JPH4: variants seen among roughly 807,000 people sequenced by gnomAD.
JPH4 encodes the protein junctophilin 4.
In JPH4, 18 loss-of-function variants were observed where a neutral mutation model predicts 57.6. That is an observed-to-expected ratio of 0.31 (90% confidence interval 0.22 to 0.46). The LOEUF is 0.46. Among genes scored for constraint, JPH4 ranks in the 20% least tolerant of loss-of-function variants. JPH4 has a pLI of 1.00. For synonymous variants in JPH4, 425 were observed against 406.6 expected (o/e 1.05, Z -0.54); for missense variants, 727 against 911.1 (o/e 0.80, Z 2.60).
Position 23,569,884 on chromosome 14 carries a change from G to C in JPH4, c.1804-167C>G, listed in dbSNP as rs1258887672. On this transcript the variant is annotated intron_variant, in intron 5 of 5. Transcript: ENST00000356300. This position sits in a 1 kb window ranked among gnomAD's most constrained non-coding sequence, Gnocchi z 4.8. ...ATTGCAAAACCCCCTCTTCTCCCAGGCAGGGCCCCACCTTTCCTCTGACAC... is the reference window on the plus strand; with the variant it reads ...ATTGCAAAACCCCCTCTTCTCCCAGCCAGGGCCCCACCTTTCCTCTGACAC... Among the ~76,000 whole-genome samples the C allele has an allele frequency of 6.6e-6, 1 of 152,178 alleles. No homozygotes were observed. Among genetic ancestry groups the C allele is most frequent in the Non-Finnish European group, 1.5e-5 (1 of 68,016 alleles).
Position 23,571,203 on chromosome 14 carries a change from C to T in JPH4, c.1528G>A (p.Ala510Thr), listed in dbSNP as rs1889131317. The change falls in exon 5 of 6, where the codon GCT (alanine) becomes ACT (threonine). Residue 510 changes from alanine to threonine, a missense_variant. Physicochemically the swap from Ala to Thr is moderately conservative, Grantham distance 58. Around this residue, in one of 7 missense-constraint regions of JPH4, gnomAD observed 293 missense variants for 279.8 expected, o/e 1.05. Transcript: ENST00000356300. The surrounding 1 kb of genome is among the most constrained non-coding windows in gnomAD (Gnocchi z 4.6). ...GGAGAQAEEL[A>T]GYEAEDEAGM... ...GCCTCATCCTCAGCCTCATAGCCAG[C>T]TAGTTCCTCTGCCTGTGCGCCTGCC... 21 of 1,613,842 alleles carry T rather than the reference C, an allele frequency of 1.3e-5. No individual in the cohort carries two copies. Among genetic ancestry groups the T allele is most frequent in the Non-Finnish European group, 1.8e-5 (21 of 1,179,944 alleles).
chr14:23,571,324 T>G lies in JPH4; in HGVS notation c.1407A>C (p.Gln469His), dbSNP rs1595393254. Residue 469 changes from glutamine to histidine, a missense_variant, in exon 5 of 6, where the codon CAA (glutamine) becomes CAC (histidine). Coordinates refer to ENST00000356300, the MANE Select transcript of JPH4 (RefSeq NM_001146028.2). The surrounding 1 kb of genome is among the most constrained non-coding windows in gnomAD (Gnocchi z 4.6). ...TCCGGCAGGCAGGGGGTCGCCAGGG[T>G]TGGCGGGAGGAGGCAGGACTGCTGG... The part of the protein sequence containing the change: ...ELPSSPASSR[Q>H]PWRPPACRSP... The G allele has an allele frequency of 6.3e-7, 1 of 1,595,548 alleles. No individual in the cohort carries two copies. Among genetic ancestry groups the G allele is most frequent in the African/African-American group, 1.3e-5 (1 of 74,662 alleles).
chr14:23,572,728 T>G, intron 3 of JPH4: 1 of 605,272 alleles, frequency 1.7e-6, no homozygotes, highest in South Asian at 2.0e-5. Context: ...CCCCTTTCGG[T>G]AATGATCCCA....
In JPH4 at chr14:23,575,428, C is replaced by A; in HGVS notation, c.1151+257G>T. Reference sequence around the variant, plus strand: ...GATTCCATAGACATGCATCTCCACACAAAAGACACCGAGACACATTTACAG... The same window carrying A: ...GATTCCATAGACATGCATCTCCACAAAAAAGACACCGAGACACATTTACAG... On this transcript the variant is annotated intron_variant, in intron 3 of 5. Coordinates refer to ENST00000356300, the MANE Select transcript of JPH4 (RefSeq NM_001146028.2). The surrounding 1 kb of genome is among the most constrained non-coding windows in gnomAD (Gnocchi z 6.9). 1 of 574,106 alleles carries A rather than the reference C, an allele frequency of 1.7e-6. No individual in the cohort carries two copies. Among genetic ancestry groups the A allele is most frequent in the East Asian group, 2.9e-5 (1 of 35,084 alleles). 35.6% of individuals were successfully genotyped at this position (574,106 alleles called of 1,614,324 possible). A position where few individuals can be genotyped will look rare whatever the true frequency, so the allele number is the denominator to read the frequency against.
rs999967079 is a variant in JPH4, at chr14:23,575,025, T to C, written c.1151+660A>G. On this transcript the variant is annotated intron_variant, in intron 3 of 5. Coordinates refer to ENST00000356300, the MANE Select transcript of JPH4 (RefSeq NM_001146028.2). The surrounding 1 kb of genome is among the most constrained non-coding windows in gnomAD (Gnocchi z 6.9). ...TCCTGTTAGACAGCACTGCTTTAGATAGCAAGGTTCCTGATGCAAGGAAAT... is the reference window on the plus strand; with the variant it reads ...TCCTGTTAGACAGCACTGCTTTAGACAGCAAGGTTCCTGATGCAAGGAAAT... 1 of 153,948 alleles carries C rather than the reference T, an allele frequency of 6.5e-6. No individual in the cohort carries two copies. The highest frequency in any genetic ancestry group is 2.4e-5 in the African/African-American group (1 of 41,524). 9.5% of individuals were successfully genotyped at this position (153,948 alleles called of 1,614,324 possible). A position where few individuals can be genotyped will look rare whatever the true frequency, so the allele number is the denominator to read the frequency against.
Position 23,577,140 on chromosome 14 carries a change from C to T in JPH4, c.314G>A (p.Arg105His). The T allele has an allele frequency of 6.5e-7, 1 of 1,548,230 alleles. No homozygotes were observed. Among genetic ancestry groups the T allele is most frequent in the Non-Finnish European group, 8.7e-7 (1 of 1,155,208 alleles). The change falls in exon 2 of 6, where the codon CGC becomes CAC. Residue 105 changes from arginine to histidine, a missense_variant. Coordinates refer to ENST00000356300, the MANE Select transcript of JPH4 (RefSeq NM_001146028.2). This position sits in a 1 kb window ranked among gnomAD's most constrained non-coding sequence, Gnocchi z 8.4. ...SGVWESVSGL[R>H]YAGLWKDGFQ... is the part of the protein sequence containing the mutation. ...ACCGTCCTTCCAGAGCCCGGCGTAG[C>T]GCAGGCCGGACACGCTTTCCCACAC... is the stretch of plus-strand genomic sequence containing the variant.
Position 23,576,459 on chromosome 14 carries a change from G to A in JPH4, c.380-3C>T. 1.4e-6 allele frequency: 2 copies of A among 1,406,580 alleles called. No homozygotes were observed. The highest frequency in any genetic ancestry group is 1.8e-6 in the Non-Finnish European group (2 of 1,088,168). The allele number at this position is 1,406,580 out of a possible 1,614,324, so 87.1% of individuals were successfully genotyped here. On this transcript the variant is annotated splice_polypyrimidine_tract_variant and splice_region_variant and intron_variant, in intron 2 of 5. Coordinates refer to ENST00000356300, the MANE Select transcript of JPH4 (RefSeq NM_001146028.2). The surrounding 1 kb of genome is among the most constrained non-coding windows in gnomAD (Gnocchi z 8.0). ...CTGCCACTGGCCCTGGTAGGTGCCT[G>A]CGGGCGGCGGAGGGGTGGGAGAAAG...
intron 3 of JPH4, among the ~76,000 whole-genome samples, chr14:23,573,206 G>A (rs558170886): frequency 3.3e-5 from 5 of 152,298 alleles, no homozygotes; most frequent in Admixed American, 1.3e-4. Flanking sequence ...TTCTTTGGGA[G>A]CCGTGATTAG....
Position 23,576,377 on chromosome 14 carries a change from C to A in JPH4, c.459G>T (p.Ala153=). 7.3e-7 allele frequency: 1 copy of A among 1,369,354 alleles called. No individual in the cohort carries two copies. Among genetic ancestry groups the A allele is most frequent in the Non-Finnish European group, 9.4e-7 (1 of 1,066,008 alleles). The allele number at this position is 1,369,354 out of a possible 1,614,324, so 84.8% of individuals were successfully genotyped here. A position where few individuals can be genotyped will look rare whatever the true frequency, so the allele number is the denominator to read the frequency against. Residue 153 remains alanine (A), a synonymous_variant, in exon 3 of 6, where the codon GCG becomes GCT. Coordinates refer to ENST00000356300, the MANE Select transcript of JPH4 (RefSeq NM_001146028.2). The surrounding 1 kb of genome is among the most constrained non-coding windows in gnomAD (Gnocchi z 8.0). The part of the protein sequence containing the change: ...VRQSVPYHQA[A]LLRSPRRTSL... The stretch of plus-strand genomic sequence containing the variant: ...AGGTGCGGCGGGGCGAGCGCAGCAG[C>A]GCCGCCTGATGGTAGGGCACACTCT...
Position 23,571,992 on chromosome 14 carries a change from GC to G in JPH4, c.1152-73del. On this transcript the variant is annotated intron_variant, in intron 3 of 5. Coordinates refer to ENST00000356300, the MANE Select transcript of JPH4 (RefSeq NM_001146028.2). This position sits in a 1 kb window ranked among gnomAD's most constrained non-coding sequence, Gnocchi z 4.6. ...AGTTAGTCCCTGCTCAGATGCTCCA[GC>G]CCCCTAGCCCCTGTCCCCTCTACAT... 1 of 1,329,202 alleles carries G rather than the reference GC, an allele frequency of 7.5e-7. No individual in the cohort carries two copies. Among genetic ancestry groups the G allele is most frequent in the East Asian group, 2.3e-5 (1 of 43,256 alleles). 82.3% of individuals were successfully genotyped at this position (1,329,202 alleles called of 1,614,324 possible). A position where few individuals can be genotyped will look rare whatever the true frequency, so the allele number is the denominator to read the frequency against.
Position 23,577,173 on chromosome 14 carries a change from C to T in JPH4, c.281G>A (p.Arg94His). ...RGEWLGGLKG[R>H]SGVWESVSGL... ...GGACACGCTTTCCCACACGCCGCTG[C>T]GCCCCTTCAGCCCGCCCAGCCACTC... Residue 94 changes from arginine (R) to histidine (H), a missense_variant, in exon 2 of 6, where the codon CGC becomes CAC. This residue lies in a region of JPH4 where 90 missense variants were observed against 88.1 expected (regional missense o/e 1.02). Coordinates refer to ENST00000356300, the MANE Select transcript of JPH4 (RefSeq NM_001146028.2). This position sits in a 1 kb window ranked among gnomAD's most constrained non-coding sequence, Gnocchi z 8.4. The T allele has an allele frequency of 6.5e-7, 1 of 1,536,296 alleles. No homozygotes were observed. The highest frequency in any genetic ancestry group is 8.7e-7 in the Non-Finnish European group (1 of 1,146,724).
intron 3 of JPH4, among the ~76,000 whole-genome samples, chr14:23,572,351 T>C (rs538991326): frequency 2.0e-4 from 31 of 151,954 alleles, no homozygotes; most frequent in East Asian, 1.2e-3. Flanking sequence ...TCTTTGCAGT[T>C]AGCACCTCCT....
chr14:23,577,352 G>A lies in JPH4; in HGVS notation c.102C>T (p.Gly34=). ...AHGYGVCTGP[G]AQGEYSGCWA... ...AGCAGCCGCTGTACTCGCCCTGGGC[G>A]CCGGGGCCCGTGCACACGCCGTAGC... The change falls in exon 2 of 6, where the codon GGC becomes GGT. Residue 34 remains glycine (G), a synonymous_variant. Transcript: ENST00000356300. This position sits in a 1 kb window ranked among gnomAD's most constrained non-coding sequence, Gnocchi z 8.4. 1 of 1,521,800 alleles carries A rather than the reference G, an allele frequency of 6.6e-7. No individual in the cohort carries two copies. Among genetic ancestry groups the A allele is most frequent in the South Asian group, 1.2e-5 (1 of 82,246 alleles). The allele number at this position is 1,521,800 out of a possible 1,614,324, so 94.3% of individuals were successfully genotyped here. A position where few individuals can be genotyped will look rare whatever the true frequency, so the allele number is the denominator to read the frequency against.
In JPH4 at chr14:23,569,777, C is replaced by G. The variant is rs766161223; in HGVS notation, c.1804-60G>C. 4 of 1,158,842 alleles carry G rather than the reference C, an allele frequency of 3.5e-6. No homozygotes were observed. Among genetic ancestry groups the G allele is most frequent in the Non-Finnish European group, 4.9e-6 (4 of 811,130 alleles). 71.8% of individuals were successfully genotyped at this position (1,158,842 alleles called of 1,614,324 possible). Reference sequence around the variant, plus strand: ...CGAGGACAGGGCCCACCTTCCTGCCCTGACTGAGGTGGCAGAGCTGAAGGG... The same window carrying G: ...CGAGGACAGGGCCCACCTTCCTGCCGTGACTGAGGTGGCAGAGCTGAAGGG... On this transcript the variant is annotated intron_variant, in intron 5 of 5. Transcript: ENST00000356300. This position sits in a 1 kb window ranked among gnomAD's most constrained non-coding sequence, Gnocchi z 4.8.
In JPH4 at chr14:23,568,798, A is replaced by C; in HGVS notation, c.*836T>G. ...ACAAGTGAGTCCAGACCAACCAAAT[A>C]AACTATTATGGGGGAGACAGAAGGG... On this transcript the variant is annotated 3_prime_UTR_variant, in exon 6 of 6. Coordinates refer to ENST00000356300, the MANE Select transcript of JPH4 (RefSeq NM_001146028.2). The C allele has an allele frequency of 1.0e-6, 1 of 985,776 alleles. No individual in the cohort carries two copies. The highest frequency in any genetic ancestry group is 1.2e-6 in the Non-Finnish European group (1 of 829,974). 61.1% of individuals were successfully genotyped at this position (985,776 alleles called of 1,614,324 possible). A position where few individuals can be genotyped will look rare whatever the true frequency, so the allele number is the denominator to read the frequency against.
At position 23,570,919 on chromosome 14, in the gene JPH4, G is replaced by T; in HGVS notation, c.1803+9C>A. The stretch of plus-strand genomic sequence containing the variant: ...GAAGAGGGCACACAGCAGGGACAGA[G>T]GATCTCACCGGCTGGGCAGGCCTCT... On this transcript the variant is annotated intron_variant, in intron 5 of 5. Coordinates refer to ENST00000356300, the MANE Select transcript of JPH4 (RefSeq NM_001146028.2). 1.3e-6 allele frequency: 2 copies of T among 1,506,868 alleles called. No individual in the cohort carries two copies. The highest frequency in any genetic ancestry group is 1.8e-6 in the Non-Finnish European group (2 of 1,128,330). 93.3% of individuals were successfully genotyped at this position (1,506,868 alleles called of 1,614,324 possible).
intron 5 of JPH4, among the ~76,000 whole-genome samples, chr14:23,570,200 G>A (rs919711348): frequency 1.4e-5 from 2 of 140,846 alleles, no homozygotes; most frequent in African/African-American, 5.2e-5. Context: ...GGGTAGGGAG[G>A]GAACAATCTT....
At chr14:23,570,817 A>G in intron 5 of JPH4, 111 bp downstream of exon 5, 1 of 1,138,766 alleles carries the variant, frequency 8.8e-7, no homozygotes, top group Non-Finnish European at 1.2e-6. Context: ...CTGGCCAGGC[A>G]GAGGAAGCCG....
rs977560062 is a variant in JPH4 at position 23,577,694 on chromosome 14, C to T, written c.-171-70G>A. On this transcript the variant is annotated intron_variant, in intron 1 of 5. Transcript: ENST00000356300. The surrounding 1 kb of genome is among the most constrained non-coding windows in gnomAD (Gnocchi z 8.4). ...CCTCTTTGCCCGCCGCTCCCTGGCC[C>T]GGTGGCTCTGGGGCATCAGCGCCGC... is the stretch of plus-strand genomic sequence containing the variant. 2.0e-5 allele frequency: 8 copies of T among 396,422 alleles called. No individual in the cohort carries two copies. The highest frequency in any genetic ancestry group is 1.5e-4 in the African/African-American group (7 of 48,232). 24.6% of individuals were successfully genotyped at this position (396,422 alleles called of 1,614,324 possible). A position where few individuals can be genotyped will look rare whatever the true frequency, so the allele number is the denominator to read the frequency against.
Sources: allele counts gnomAD v4.1 joint callset (sites outside exome capture counted in the v4.1 genomes callset), GRCh38; gene constraint gnomAD v4.1.1; regional missense constraint gnomAD v4.1.1; non-coding constraint Gnocchi (gnomAD v3.1); transcripts MANE v1.5; gene names NCBI Gene and HGNC (gene_info 2026-07-23, HGNC 2026-07-21).